DNAAF11: variants seen among roughly 807,000 people sequenced by gnomAD.
DNAAF11 encodes dynein axonemal assembly factor 11, also known as leucine rich repeat containing 6.
A neutral mutation model predicts 60.8 loss-of-function variants in DNAAF11; 45 were observed. That is an observed-to-expected ratio of 0.74 (90% CI 0.58 to 0.95). The LOEUF (loss-of-function observed/expected upper bound fraction) is 0.95. DNAAF11 is among the 40% of genes least tolerant of loss of function. The probability of loss-of-function intolerance (pLI) is 0.00; values close to 1 mark genes in which losing one functional copy is unlikely to be tolerated. For synonymous variants in DNAAF11, 191 were observed against 183.5 expected (o/e 1.04, Z -0.33); for missense variants, 546 against 546.2 (o/e 1.00, Z 0.00).
chr8:132,644,558 G>A (rs1822177024), intron 3 of DNAAF11, among the ~76,000 whole-genome samples: 1 of 152,120 alleles, frequency 6.6e-6, no homozygotes, highest in African/African-American at 2.4e-5. Flanking sequence ...GGAAGCACAA[G>A]GGGTCAGGGA....
At chr8:132,695,400 T>C in the DNAAF11 span, among the ~76,000 whole-genome samples, 6 of 152,096 alleles carry the variant, frequency 3.9e-5, no homozygotes, top group Non-Finnish European at 7.4e-5. Flanking sequence ...CTGCAATGCA[T>C]GAGTGGTAAA....
chr8:132,622,813 A>G (rs1819894283), intron 6 of DNAAF11, 125 bp from the exon 7 acceptor site: 2 of 678,882 alleles, frequency 2.9e-6, no homozygotes, highest in Non-Finnish European at 5.2e-6. Context: ...ACTTTTACGA[A>G]CACATCAACA....
In DNAAF11 at chr8:132,606,580, A is replaced by G. The variant is rs531685543; in HGVS notation, c.1140+3586T>C. 4.6e-5 allele frequency among the ~76,000 whole-genome samples: 7 copies of G among 152,352 alleles called. No individual in the cohort carries two copies. In the East Asian group the frequency reaches 1.3e-3, roughly 29 times the overall value. ...TGTAGCCTCTGGACCTCCTAGGCTC[A>G]ATGTAGCCTCTACCTCCCAGGTTCA... On this transcript the variant is annotated intron_variant, in intron 10 of 11. Coordinates refer to ENST00000620350, the MANE Select transcript of DNAAF11 (RefSeq NM_012472.6).
In DNAAF11 at chr8:132,675,136, TA is replaced by T. The variant is rs1825661726; in HGVS notation, c.10+347del. The T allele has an allele frequency of 1.6e-5, 5 of 313,614 alleles. No individual in the cohort carries two copies. In the East Asian group the frequency reaches 2.1e-4, roughly 13 times the overall value. The allele number at this position is 313,614 out of a possible 1,614,324, so 19.4% of individuals were successfully genotyped here. A position where few individuals can be genotyped will look rare whatever the true frequency, so the allele number is the denominator to read the frequency against. On this transcript the variant is annotated intron_variant, in intron 1 of 11. Coordinates refer to ENST00000620350, the MANE Select transcript of DNAAF11 (RefSeq NM_012472.6). Reference sequence around the variant, plus strand: ...GTGACTGGCCCACGTTCACAGCCAGTAAGGAGCCACTTGGCCGGAACGTGGT... The same window carrying T: ...GTGACTGGCCCACGTTCACAGCCAGTAGGAGCCACTTGGCCGGAACGTGGT...
At chr8:132,670,433 T>C (rs772480058) in intron 1 of DNAAF11, among the ~76,000 whole-genome samples, 4 of 152,174 alleles carry the variant, frequency 2.6e-5, no homozygotes, top group Non-Finnish European at 5.9e-5. Context: ...CAAGAATATA[T>C]AGATGAGCTG....
intron 10 of DNAAF11, among the ~76,000 whole-genome samples, chr8:132,593,417 G>C (rs987053038): frequency 4.3e-4 from 63 of 146,092 alleles, no homozygotes; most frequent in African/African-American, 1.5e-3. Context: ...GCTGTTGAGA[G>C]ACAAATCTTA....
chr8:132,698,049 G>A, the DNAAF11 span, among the ~76,000 whole-genome samples: 1 of 152,180 alleles, frequency 6.6e-6, no homozygotes, highest in Admixed American at 6.5e-5. Flanking sequence ...CCTGGACTTG[G>A]AGGCAGACCT....
chr8:132,681,003 C>CTTTTTTCTTTTTT, the DNAAF11 span, among the ~76,000 whole-genome samples: 1 of 52,336 alleles, frequency 1.9e-5, no homozygotes, highest in Non-Finnish European at 3.1e-5. Context: ...ATAACTATTC[C>CTTTTTTCTTTTTT]TTTTTTTTTT....
chr8:132,697,288 A>G, the DNAAF11 span, among the ~76,000 whole-genome samples: 1 of 152,206 alleles, frequency 6.6e-6, no homozygotes, highest in Non-Finnish European at 1.5e-5. Context: ...ATTAAATTGT[A>G]TACTTGAAAC....
chr8:132,594,070 A>C (rs1405826929), intron 10 of DNAAF11, among the ~76,000 whole-genome samples: 1 of 152,178 alleles, frequency 6.6e-6, no homozygotes, highest in African/African-American at 2.4e-5. Context: ...CTTATTATAC[A>C]AATAATAAGC....
intron 3 of DNAAF11, among the ~76,000 whole-genome samples, chr8:132,648,358 C>T (rs1822620594): frequency 6.6e-6 from 1 of 152,120 alleles, no homozygotes; most frequent in Non-Finnish European, 1.5e-5. Flanking sequence ...TGAGACGTAT[C>T]TCAAAATATT....
intron 1 of DNAAF11, among the ~76,000 whole-genome samples, chr8:132,668,273 C>A (rs1049181584): frequency 6.6e-6 from 1 of 152,160 alleles, no homozygotes; most frequent in Non-Finnish European, 1.5e-5. Flanking sequence ...GTACTATATC[C>A]CAATCTAGTG....
chr8:132,670,594 AAAT>A (rs1186967263), intron 1 of DNAAF11, among the ~76,000 whole-genome samples: 4 of 152,206 alleles, frequency 2.6e-5, no homozygotes, highest in Non-Finnish European at 5.9e-5. Context: ...ATTGAAGAGG[AAAT>A]AATACTTCCC....
chr8:132,686,040 T>A, the DNAAF11 span, among the ~76,000 whole-genome samples: 211 of 152,080 alleles, frequency 1.4e-3, no homozygotes, highest in Non-Finnish European at 1.9e-3. Flanking sequence ...AGTCAACAAA[T>A]AAATACCACA....
At chr8:132,695,908 C>A in the DNAAF11 span, among the ~76,000 whole-genome samples, 2 of 152,064 alleles carry the variant, frequency 1.3e-5, no homozygotes, top group Admixed American at 6.6e-5. Context: ...TGAATAAGAA[C>A]ACAAAGGAAT....
At chr8:132,634,273 G>T (rs1586644552) in intron 4 of DNAAF11, among the ~76,000 whole-genome samples, 1 of 152,210 alleles carries the variant, frequency 6.6e-6, no homozygotes, top group East Asian at 1.9e-4. Context: ...AATTTTCATG[G>T]TCTTTAAGGA....
intron 8 of DNAAF11, among the ~76,000 whole-genome samples, chr8:132,613,433 G>A (rs1369257676): frequency 6.6e-6 from 1 of 152,144 alleles, no homozygotes; most frequent in East Asian, 1.9e-4. Flanking sequence ...CAGACACAAA[G>A]GCCACATGTT....
At chr8:132,596,029 C>T (rs77218147) in intron 10 of DNAAF11, among the ~76,000 whole-genome samples, 3 of 152,146 alleles carry the variant, frequency 2.0e-5, no homozygotes, top group East Asian at 3.9e-4. Context: ...CAGTTGATGG[C>T]GCCATTTTCT....
chr8:132,622,716 T>TG (rs778164991), intron 6 of DNAAF11, 28 bp from the exon 7 acceptor site: 1 of 1,438,796 alleles, frequency 7.0e-7, no homozygotes, highest in Non-Finnish European at 9.7e-7. Flanking sequence ...ATGAGAACAA[T>TG]GGGCAGCATG....
Sources: allele counts gnomAD v4.1 joint callset (sites outside exome capture counted in the v4.1 genomes callset), GRCh38; gene constraint gnomAD v4.1.1; transcripts MANE v1.5; gene names NCBI Gene and HGNC (gene_info 2026-07-23, HGNC 2026-07-21).